The following NTRK2 variants were observed in gnomAD, a reference collection of about 807,000 sequenced individuals.
NTRK2 encodes the protein neurotrophic receptor tyrosine kinase 2.
Under a neutral mutation model 94.5 loss-of-function variants are expected in NTRK2, and 13 were observed. The ratio of observed to expected loss-of-function variants is 0.14; its 90% CI spans 0.09 to 0.22. The LOEUF (loss-of-function observed/expected upper bound fraction) is 0.22, where lower values mean the gene tolerates loss of function less well. NTRK2 is among the 10% of genes least tolerant of loss of function. NTRK2 has a pLI of 1.00. For missense variants in NTRK2, 639 were observed against 1,071.2 expected, an observed-to-expected ratio of 0.60 and a Z score of 5.63; for synonymous variants, 372 against 407.4, an observed-to-expected ratio of 0.91 and a Z score of 1.05.
At chr9:84,715,738 C>T (rs2061675121) in intron 6 of NTRK2, among the ~76,000 whole-genome samples, 1 of 152,096 alleles carries the variant, frequency 6.6e-6, no homozygotes, top group African/African-American at 2.4e-5. Context: ...CCTGCTACTT[C>T]TTCAAGTGTT....
At position 84,978,283 on chromosome 9, in the gene NTRK2, GA is replaced by G. The variant is rs1827152906; in HGVS notation, c.2172+22769del. Among the ~76,000 whole-genome samples the G allele has an allele frequency of 8.5e-5, 13 of 152,324 alleles. No homozygotes were observed. In the South Asian group the frequency reaches 2.7e-3, roughly 32 times the overall value. Reference sequence around the variant, plus strand: ...GAATGCAAAGAATAAGTCCTTGAAGGAAATTAAAGTGCTGCTCCAGTGAACA... The same window carrying G: ...GAATGCAAAGAATAAGTCCTTGAAGGAATTAAAGTGCTGCTCCAGTGAACA... On this transcript the variant is annotated intron_variant, in intron 17 of 18. Transcript: ENST00000277120.
intron 14 of NTRK2, among the ~76,000 whole-genome samples, chr9:84,871,556 CAA>C (rs2075868283): frequency 6.6e-6 from 1 of 152,092 alleles, no homozygotes; most frequent in African/African-American, 2.4e-5. Flanking sequence ...GCTTTAAAAA[CAA>C]AACAATAAAC....
rs959142788 is a variant in NTRK2 at position 84,755,513 on chromosome 9, A to T, written c.1396+3428A>T. On this transcript the variant is annotated intron_variant, in intron 12 of 18. Coordinates refer to ENST00000277120, the MANE Select transcript of NTRK2 (RefSeq NM_006180.6). ...ACTTTTCTAAGTTTCTAAAAGAGACAAAGTCCCACCTCTTTTTTTTTTTTT... is the reference window on the plus strand; with the variant it reads ...ACTTTTCTAAGTTTCTAAAAGAGACTAAGTCCCACCTCTTTTTTTTTTTTT... 4.1e-4 allele frequency among the ~76,000 whole-genome samples: 61 copies of T among 149,966 alleles called. 1 individual carries two copies. Among genetic ancestry groups the T allele is most frequent in the Admixed American group, 4.0e-3 (60 of 15,048 alleles).
chr9:84,943,913 C>T (rs1032449475), intron 15 of NTRK2, among the ~76,000 whole-genome samples: 2 of 152,042 alleles, frequency 1.3e-5, no homozygotes, highest in Non-Finnish European at 2.9e-5. Context: ...TTGTTACCAC[C>T]ATATTTTCTG....
intron 17 of NTRK2, among the ~76,000 whole-genome samples, chr9:84,974,393 T>G (rs538957784): frequency 6.6e-6 from 1 of 152,326 alleles, no homozygotes; most frequent in South Asian, 2.1e-4. Flanking sequence ...CTTGGTGGTG[T>G]GCAAAGTAAG....
intron 12 of NTRK2, among the ~76,000 whole-genome samples, chr9:84,768,712 T>A (rs966343961): frequency 1.6e-4 from 24 of 152,120 alleles, no homozygotes; most frequent in Non-Finnish European, 3.4e-4. Context: ...TCAGGACTAT[T>A]GCAATATGGA....
At chr9:84,741,655 C>CT (rs1564167568) in intron 9 of NTRK2, among the ~76,000 whole-genome samples, 1 of 152,118 alleles carries the variant, frequency 6.6e-6, no homozygotes, top group East Asian at 1.9e-4. Flanking sequence ...AATTTGTGAT[C>CT]TTTTTTTGTG....
chr9:85,014,886 TA>T (rs1450337644), intron 17 of NTRK2, among the ~76,000 whole-genome samples: 1 of 152,186 alleles, frequency 6.6e-6, no homozygotes, highest in Non-Finnish European at 1.5e-5. Flanking sequence ...AAATAAATAT[TA>T]AGGGCTAAAA....
intron 9 of NTRK2, among the ~76,000 whole-genome samples, chr9:84,738,485 C>T (rs559966777): frequency 2.5e-4 from 38 of 152,202 alleles, no homozygotes; most frequent in Admixed American, 1.4e-3. Context: ...CTGACCATTG[C>T]CAGAAGTCTA....
At position 84,944,215 on chromosome 9, in the gene NTRK2, T is replaced by TCACACACACACACA. The variant is rs56021326; in HGVS notation, c.1765-4222_1765-4209dup. On this transcript the variant is annotated intron_variant, in intron 15 of 18. Transcript: ENST00000277120. ...TGTTCTCTCTCTCTCTCTCTCTCTC[T>TCACACACACACACA]CACACACACACACACACACACACAC... Among the ~76,000 whole-genome samples the TCACACACACACACA allele has an allele frequency of 4.4e-4, 53 of 120,330 alleles. No individual in the cohort carries two copies. The East Asian group carries it at 6.9e-3, about 16-fold the overall frequency. The allele number at this position is 120,330 out of a possible 152,430, so 78.9% of individuals were successfully genotyped here.
chr9:84,976,164 A>G (rs1274507392), intron 17 of NTRK2, among the ~76,000 whole-genome samples: 1 of 152,160 alleles, frequency 6.6e-6, no homozygotes, highest in Non-Finnish European at 1.5e-5. Flanking sequence ...GGCTTAAACC[A>G]CAGAAATTTA....
intron 17 of NTRK2, among the ~76,000 whole-genome samples, chr9:84,977,372 C>T (rs1436604264): frequency 1.3e-5 from 2 of 152,010 alleles, no homozygotes; most frequent in Admixed American, 6.6e-5. Context: ...AGCAAAATCA[C>T]CAATAACAAG....
chr9:84,961,140 G>T (rs1419619753), intron 17 of NTRK2, among the ~76,000 whole-genome samples: 4 of 152,164 alleles, frequency 2.6e-5, no homozygotes, highest in African/African-American at 9.7e-5. Context: ...ATTTCCTCCT[G>T]TAAACTATGT....
In NTRK2 at chr9:84,860,895, A is replaced by G. The variant is rs73651136; in HGVS notation, c.1397-145A>G. ...AGCTTTCATCCCAAGTGGTTTGTTTATTTATTTATTTATTTATTTATTTAT... is the reference window on the plus strand; with the variant it reads ...AGCTTTCATCCCAAGTGGTTTGTTTGTTTATTTATTTATTTATTTATTTAT... On this transcript the variant is annotated intron_variant, in intron 12 of 18. Coordinates refer to ENST00000277120, the MANE Select transcript of NTRK2 (RefSeq NM_006180.6). 2.5e-3 allele frequency: 99 copies of G among 39,924 alleles called. 1 individual carries two copies. Among genetic ancestry groups the G allele is most frequent in the African/African-American group, 7.3e-3 (63 of 8,664 alleles). The allele number at this position is 39,924 out of a possible 1,614,324, so 2.5% of individuals were successfully genotyped here.
chr9:84,780,932 T>C (rs1408100473), intron 12 of NTRK2, among the ~76,000 whole-genome samples: 1 of 152,020 alleles, frequency 6.6e-6, no homozygotes, highest in African/African-American at 2.4e-5. Context: ...TCTTGGGAAG[T>C]AAAAGAAAAA....
At chr9:84,895,835 T>A (rs569094268) in intron 14 of NTRK2, among the ~76,000 whole-genome samples, 5 of 152,346 alleles carry the variant, frequency 3.3e-5, no homozygotes, top group Admixed American at 3.3e-4. Flanking sequence ...AGGGAATTAT[T>A]ACCTAGCAAC....
At chr9:84,829,602 T>C (rs1452362593) in intron 12 of NTRK2, among the ~76,000 whole-genome samples, 2 of 152,166 alleles carry the variant, frequency 1.3e-5, no homozygotes, top group African/African-American at 4.8e-5. Context: ...TAAGGGGCGA[T>C]GTTCCGCCTG....
intron 15 of NTRK2, among the ~76,000 whole-genome samples, chr9:84,947,048 T>C (rs59656838): frequency 0.051 from 7,836 of 152,248 alleles, 281 homozygotes; most frequent in Admixed American, 0.12. Context: ...CTCTGCCTCC[T>C]GGGTTCAAGT....
chr9:84,670,559 C>T lies in NTRK2; in HGVS notation c.-190C>T. 1.6e-6 allele frequency: 1 copy of T among 639,786 alleles called. No individual in the cohort carries two copies. The highest frequency in any genetic ancestry group is 4.3e-4 in the Middle Eastern group (1 of 2,340). 39.6% of individuals were successfully genotyped at this position (639,786 alleles called of 1,614,324 possible). On this transcript the variant is annotated 5_prime_UTR_variant, in exon 2 of 19. Coordinates refer to ENST00000277120, the MANE Select transcript of NTRK2 (RefSeq NM_006180.6). ...TCGCTATGCCGGGGCCACTGTGAAC[C>T]CTGCCGCCTGCCGGAACACTCTTCG... is the stretch of plus-strand genomic sequence containing the variant.
Sources: allele counts gnomAD v4.1 joint callset (sites outside exome capture counted in the v4.1 genomes callset), GRCh38; gene constraint gnomAD v4.1.1; transcripts MANE v1.5; gene names NCBI Gene and HGNC (gene_info 2026-07-23, HGNC 2026-07-21).